The following CA12 variants were observed in gnomAD, a reference collection of about 807,000 sequenced individuals.
The protein encoded by CA12 is carbonic anhydrase 12.
Under a neutral mutation model 46.8 loss-of-function variants are expected in CA12, and 36 were observed. The ratio of observed to expected loss-of-function variants is 0.77; its 90% CI spans 0.59 to 1.02. The LOEUF (loss-of-function observed/expected upper bound fraction) is 1.02, where lower values mean the gene tolerates loss of function less well. Ranked by LOEUF, CA12 falls within the 50% of genes least tolerant of loss-of-function variation. CA12 has a pLI of 0.00. For synonymous variants in CA12, 202 were observed against 187.0 expected (o/e 1.08, Z -0.65); for missense variants, 436 against 451.4 (o/e 0.97, Z 0.31).
At chr15:63,342,635 G>T (rs1036038012) in intron 4 of CA12, among the ~76,000 whole-genome samples, 2 of 152,092 alleles carry the variant, frequency 1.3e-5, no homozygotes, top group Non-Finnish European at 2.9e-5. Flanking sequence ...GGGTATAATG[G>T]GTCATGTCCA....
At chr15:63,380,581 C>T (rs185993556) in intron 1 of CA12, among the ~76,000 whole-genome samples, 52 of 152,284 alleles carry the variant, frequency 3.4e-4, no homozygotes, top group Admixed American at 2.5e-3. Flanking sequence ...TCTGTTACAT[C>T]GCTTCTGTTT....
At chr15:63,338,386 T>A (rs2039030684) in intron 8 of CA12, among the ~76,000 whole-genome samples, 2 of 152,194 alleles carry the variant, frequency 1.3e-5, no homozygotes, top group South Asian at 4.1e-4. Context: ...TGGTGGTGCA[T>A]GAATCACCTG....
chr15:63,337,615 C>T (rs554700451), intron 8 of CA12, among the ~76,000 whole-genome samples: 1 of 152,138 alleles, frequency 6.6e-6, no homozygotes, highest in African/African-American at 2.4e-5. Flanking sequence ...TGCCACCACG[C>T]CCGGCTAATT....
At chr15:63,347,029 T>A (rs78698847) in intron 2 of CA12, among the ~76,000 whole-genome samples, 7,719 of 152,292 alleles carry the variant, frequency 0.051, 546 homozygotes, top group African/African-American at 0.16. Flanking sequence ...CAATTCAGCA[T>A]CTGCTTAGCC....
Position 63,329,573 on chromosome 15 carries a change from T to C in CA12, c.875-1443A>G, listed in dbSNP as rs2038909741. Among the ~76,000 whole-genome samples, 1 of 152,182 alleles carries C rather than the reference T, an allele frequency of 6.6e-6. No individual in the cohort carries two copies. Among genetic ancestry groups the C allele is most frequent in the Non-Finnish European group, 1.5e-5 (1 of 68,036 alleles). ...TGGTTTTCTCATCTCAATGGAAACTTCTAGCATGTGTGTGTGTCTTGGAGG... is the reference window on the plus strand; with the variant it reads ...TGGTTTTCTCATCTCAATGGAAACTCCTAGCATGTGTGTGTGTCTTGGAGG... On this transcript the variant is annotated intron_variant, in intron 8 of 10. Coordinates refer to ENST00000178638, the MANE Select transcript of CA12 (RefSeq NM_001218.5). The surrounding 1 kb of genome is among the most constrained non-coding windows in gnomAD (Gnocchi z 4.8).
In CA12 at chr15:63,322,455, C is replaced by G. The variant is rs549145808; in HGVS notation, c.*3830G>C. Reference sequence around the variant, plus strand: ...GCTACCGGAAAGTTTAAATTTCATACGTGTCTCATGTTATATTTTATTACA... The same window carrying G: ...GCTACCGGAAAGTTTAAATTTCATAGGTGTCTCATGTTATATTTTATTACA... On this transcript the variant is annotated 3_prime_UTR_variant, in exon 11 of 11. Coordinates refer to ENST00000178638, the MANE Select transcript of CA12 (RefSeq NM_001218.5). The surrounding 1 kb of genome is among the most constrained non-coding windows in gnomAD (Gnocchi z 4.1). The G allele has an allele frequency of 3.2e-4, 49 of 150,934 alleles. No individual in the cohort carries two copies. The highest frequency in any genetic ancestry group is 1.2e-3 in the African/African-American group (48 of 41,018). The allele number at this position is 150,934 out of a possible 1,614,324, so 9.3% of individuals were successfully genotyped here. A position where few individuals can be genotyped will look rare whatever the true frequency, so the allele number is the denominator to read the frequency against.
chr15:63,351,375 TC>T (rs2039229467), intron 2 of CA12, among the ~76,000 whole-genome samples: 2 of 152,144 alleles, frequency 1.3e-5, no homozygotes, highest in Admixed American at 6.5e-5. Context: ...ACCAGATCAA[TC>T]TTGTCATAGC....
chr15:63,353,274 A>G (rs1253026187), intron 2 of CA12, among the ~76,000 whole-genome samples: 3 of 152,168 alleles, frequency 2.0e-5, no homozygotes. Flanking sequence ...AGGCGCCGTT[A>G]AAGCTGAGAT....
intron 4 of CA12, among the ~76,000 whole-genome samples, chr15:63,343,117 T>C (rs1279486130): frequency 6.6e-6 from 1 of 152,064 alleles, no homozygotes; most frequent in Non-Finnish European, 1.5e-5. Context: ...AGAGCTGAAT[T>C]CTATATGATT....
rs574871776 is a variant in CA12, at chr15:63,324,552, A to G, written c.*1733T>C. 2.8e-4 allele frequency: 42 copies of G among 152,460 alleles called. No individual in the cohort carries two copies. Among genetic ancestry groups the G allele is most frequent in the Non-Finnish European group, 5.7e-4 (39 of 68,148 alleles). 9.4% of individuals were successfully genotyped at this position (152,460 alleles called of 1,614,324 possible). A position where few individuals can be genotyped will look rare whatever the true frequency, so the allele number is the denominator to read the frequency against. On this transcript the variant is annotated 3_prime_UTR_variant, in exon 11 of 11. Coordinates refer to ENST00000178638, the MANE Select transcript of CA12 (RefSeq NM_001218.5). ...AGGCTGTTAGAGGTCTTGAGTGCACACACACACACAAACACACAGAGAGAC... is the reference window on the plus strand; with the variant it reads ...AGGCTGTTAGAGGTCTTGAGTGCACGCACACACACAAACACACAGAGAGAC...
chr15:63,353,942 A>C (rs1595785203), intron 2 of CA12, among the ~76,000 whole-genome samples: 1 of 152,124 alleles, frequency 6.6e-6, no homozygotes, highest in Non-Finnish European at 1.5e-5. Context: ...TCTCATAAAA[A>C]CCCAGTGGGT....
Position 63,373,030 on chromosome 15 carries a change from C to T in CA12, c.106+2628G>A, listed in dbSNP as rs1056182991. Among the ~76,000 whole-genome samples, 2 of 152,146 alleles carry T rather than the reference C, an allele frequency of 1.3e-5. No individual in the cohort carries two copies. The highest frequency in any genetic ancestry group is 2.9e-5 in the Non-Finnish European group (2 of 68,030). ...GTCAGTGTGGCTGCACTGAGAAGCC[C>T]GCCCTTGGCGAACACCACGTCATGA... On this transcript the variant is annotated intron_variant, in intron 2 of 10. Coordinates refer to ENST00000178638, the MANE Select transcript of CA12 (RefSeq NM_001218.5). This position sits in a 1 kb window ranked among gnomAD's most constrained non-coding sequence, Gnocchi z 4.9.
rs912004517 is a variant in CA12, at chr15:63,373,226, G to T, written c.106+2432C>A. 6.6e-6 allele frequency among the ~76,000 whole-genome samples: 1 copy of T among 152,048 alleles called. No homozygotes were observed. Among genetic ancestry groups the T allele is most frequent in the East Asian group, 1.9e-4 (1 of 5,186 alleles). ...ATAAAAATACAGAAATTAGCCGGGC[G>T]TGATGGCACACCCCTGTAATCCCAG... On this transcript the variant is annotated intron_variant, in intron 2 of 10. Coordinates refer to ENST00000178638, the MANE Select transcript of CA12 (RefSeq NM_001218.5). This position sits in a 1 kb window ranked among gnomAD's most constrained non-coding sequence, Gnocchi z 4.9.
rs1176246172 is a variant in CA12 at position 63,372,005 on chromosome 15, T to C, written c.106+3653A>G. On this transcript the variant is annotated intron_variant, in intron 2 of 10. Transcript: ENST00000178638. This position sits in a 1 kb window ranked among gnomAD's most constrained non-coding sequence, Gnocchi z 4.5. Reference sequence around the variant, plus strand: ...TATATACCGAAAAGTGTGTAGACCATAAGCAAACAGCTGGATGAATGCTCA... The same window carrying C: ...TATATACCGAAAAGTGTGTAGACCACAAGCAAACAGCTGGATGAATGCTCA... Among the ~76,000 whole-genome samples, 3 of 152,130 alleles carry C rather than the reference T, an allele frequency of 2.0e-5. No homozygotes were observed. The highest frequency in any genetic ancestry group is 4.4e-5 in the Non-Finnish European group (3 of 68,032).
At position 63,329,327 on chromosome 15, in the gene CA12, T is replaced by A. The variant is rs1264614897; in HGVS notation, c.875-1197A>T. ...GAAGTCCTCAGTGTGGCTGAACCCGTGCCCAGCTACCTAAGTCTCACAGTC... is the reference window on the plus strand; with the variant it reads ...GAAGTCCTCAGTGTGGCTGAACCCGAGCCCAGCTACCTAAGTCTCACAGTC... On this transcript the variant is annotated intron_variant, in intron 8 of 10. Transcript: ENST00000178638. The surrounding 1 kb of genome is among the most constrained non-coding windows in gnomAD (Gnocchi z 4.8). Among the ~76,000 whole-genome samples the A allele has an allele frequency of 6.6e-6, 1 of 152,142 alleles. No homozygotes were observed. Among genetic ancestry groups the A allele is most frequent in the Non-Finnish European group, 1.5e-5 (1 of 68,030 alleles).
chr15:63,323,712 G>C lies in CA12; in HGVS notation c.*2573C>G, dbSNP rs2038825699. On this transcript the variant is annotated 3_prime_UTR_variant, in exon 11 of 11. Coordinates refer to ENST00000178638, the MANE Select transcript of CA12 (RefSeq NM_001218.5). The surrounding 1 kb of genome is among the most constrained non-coding windows in gnomAD (Gnocchi z 5.1). ...TCCAGGGCTGGCCAGGACACCTTCA[G>C]AGAGGCTAGTGAAGAGGAGAGGAAT... 1 of 152,740 alleles carries C rather than the reference G, an allele frequency of 6.5e-6. No homozygotes were observed. The highest frequency in any genetic ancestry group is 6.5e-5 in the Admixed American group (1 of 15,282). The allele number at this position is 152,740 out of a possible 1,614,324, so 9.5% of individuals were successfully genotyped here.
chr15:63,345,634 G>T lies in CA12; in HGVS notation c.287-15C>A. ...GTTCAGCTTCACTGCGGGGAGTGGA[G>T]GAGCAGCCTTCAGAGCCCCGGCCAG... On this transcript the variant is annotated splice_polypyrimidine_tract_variant and intron_variant, in intron 3 of 10. Coordinates refer to ENST00000178638, the MANE Select transcript of CA12 (RefSeq NM_001218.5). This position sits in a 1 kb window ranked among gnomAD's most constrained non-coding sequence, Gnocchi z 4.3. 1 of 1,609,724 alleles carries T rather than the reference G, an allele frequency of 6.2e-7. No homozygotes were observed. The highest frequency in any genetic ancestry group is 1.3e-5 in the African/African-American group (1 of 75,064).
At chr15:63,346,978 G>T (rs981855318) in intron 2 of CA12, among the ~76,000 whole-genome samples, 3 of 152,132 alleles carry the variant, frequency 2.0e-5, no homozygotes, top group African/African-American at 7.2e-5. Flanking sequence ...TTTGTACATT[G>T]TTCCTGTTTG....
Position 63,338,948 on chromosome 15 carries a change from G to A in CA12, c.748-3C>T. ...AGGGCTGTCTCCAAAGCCAGCAGCT[G>A]AGGGCAAGAGCAGAAATAGCCCGCA... On this transcript the variant is annotated splice_polypyrimidine_tract_variant and splice_region_variant and intron_variant, in intron 7 of 10. Coordinates refer to ENST00000178638, the MANE Select transcript of CA12 (RefSeq NM_001218.5). 1 of 1,614,190 alleles carries A rather than the reference G, an allele frequency of 6.2e-7. No homozygotes were observed. The highest frequency in any genetic ancestry group is 1.1e-5 in the South Asian group (1 of 91,068).
Sources: allele counts gnomAD v4.1 joint callset (sites outside exome capture counted in the v4.1 genomes callset), GRCh38; gene constraint gnomAD v4.1.1; non-coding constraint Gnocchi (gnomAD v3.1); transcripts MANE v1.5; gene names NCBI Gene and HGNC (gene_info 2026-07-23, HGNC 2026-07-21).